Variants in ATG9B observed in about 807,000 individuals in gnomAD.
ATG9B encodes the protein autophagy-related protein 9B.
A neutral mutation model predicts 92.9 loss-of-function variants in ATG9B; 92 were observed. That is an observed-to-expected ratio of 0.99 (90% CI 0.84 to 1.18). ATG9B has a LOEUF of 1.18. Among genes scored for constraint, ATG9B ranks in the 50% most tolerant of loss-of-function variants. ATG9B has a pLI of 0.00. For missense variants in ATG9B, 1,344 were observed against 1,235.0 expected (o/e 1.09, Z -1.32); for synonymous variants, 599 against 551.4 (o/e 1.09, Z -1.21).
At chr7:151,016,299 T>G in intron 11 of ATG9B, 64 bp from the exon 12 acceptor site, 3 of 1,477,364 alleles carry the variant, frequency 2.0e-6, no homozygotes, top group Non-Finnish European at 2.7e-6. Flanking sequence ...GCACCTGGGC[T>G]AGAGGCAGAG....
In ATG9B at chr7:151,016,171, G is replaced by A. The variant is rs953262731; in HGVS notation, c.2585C>T (p.Pro862Leu). Reference sequence around the variant, plus strand: ...GGGTGGCTGTGAGGGGCTGGAGCAGGGCCTGGACAGGATGGAGGCTGCAGC... The same window carrying A: ...GGGTGGCTGTGAGGGGCTGGAGCAGAGCCTGGACAGGATGGAGGCTGCAGC... ...GEAAASILSR[P>L]CSSPSQPPSP... Residue 862 changes from proline to leucine, a missense_variant, in exon 12 of 14, where the codon CCC (proline) becomes CTC (leucine). Physicochemically the swap from Pro to Leu is moderately conservative, Grantham distance 98. Transcript: ENST00000639579. 14 of 1,536,852 alleles carry A rather than the reference G, an allele frequency of 9.1e-6. No individual in the cohort carries two copies. The African/African-American group carries it at 1.8e-4, about 20-fold the overall frequency.
chr7:151,021,098 GC>G lies in ATG9B; in HGVS notation c.963+89del, dbSNP rs1281024601. On this transcript the variant is annotated intron_variant, in intron 5 of 13. Transcript: ENST00000639579. ...GCTCTTTCTGCCCTCTTTCCAGTTG[GC>G]CCTTCCACCTGTACAGTCCCACTTC... 4.1e-6 allele frequency: 6 copies of G among 1,463,252 alleles called. No individual in the cohort carries two copies. The African/African-American group carries it at 8.4e-5, about 21-fold the overall frequency. 90.6% of individuals were successfully genotyped at this position (1,463,252 alleles called of 1,614,324 possible). A position where few individuals can be genotyped will look rare whatever the true frequency, so the allele number is the denominator to read the frequency against.
chr7:151,019,089 C>G lies in ATG9B; in HGVS notation c.1249G>C (p.Glu417Gln). 6.5e-7 allele frequency: 1 copy of G among 1,535,964 alleles called. No homozygotes were observed. The highest frequency in any genetic ancestry group is 8.7e-7 in the Non-Finnish European group (1 of 1,146,514). The change falls in exon 6 of 14, where the codon GAG becomes CAG. Residue 417 changes from glutamate (E) to glutamine (Q), a missense_variant. Coordinates refer to ENST00000639579, the MANE Select transcript of ATG9B (RefSeq NM_001317056.2). ...CTGCGCTTGTAGGCGTGCGGCAGCT[C>G]CCAGCCCCCGCGGAAGAGCGAGAAG... ...GPFSLFRGGW[E>Q]LPHAYKRSDQ...
chr7:151,013,868 G>A, downstream of ATG9B: 4 of 1,603,734 alleles, frequency 2.5e-6, no homozygotes, highest in African/African-American at 1.3e-5. Context: ...CCTGGCGACG[G>A]AGGGCGACAT....
At position 151,018,368 on chromosome 7, in the gene ATG9B, G is replaced by A; in HGVS notation, c.1798C>T (p.Leu600Phe). Residue 600 changes from leucine to phenylalanine, a missense_variant, in exon 7 of 14, where the codon CTC (leucine) becomes TTC (phenylalanine). By Grantham distance (22) the Leu-to-Phe change is conservative. Transcript: ENST00000639579. The surrounding 1 kb of genome is among the most constrained non-coding windows in gnomAD (Gnocchi z 4.7). ...CCGCCGGGGCCGGGCTCCTCCGGGA[G>A]GTAGTGCATGTGGGCCAGGGCTGTC... ...LQTALAHMHYLPEEPGPGGRD... is the reference protein window; with the variant it reads ...LQTALAHMHYFPEEPGPGGRD... 1 of 1,598,570 alleles carries A rather than the reference G, an allele frequency of 6.3e-7. No individual in the cohort carries two copies. The highest frequency in any genetic ancestry group is 8.5e-7 in the Non-Finnish European group (1 of 1,174,016).
rs749356751 is a variant in ATG9B at position 151,018,378 on chromosome 7, G to A, written c.1788C>T (p.His596=). ...PQLLLQTALA[H]MHYLPEEPGP... is the part of the protein sequence containing the mutation. ...CGGGCTCCTCCGGGAGGTAGTGCAT[G>A]TGGGCCAGGGCTGTCTGCAGCAGGA... The change falls in exon 7 of 14, where the codon CAC becomes CAT. Residue 596 remains histidine, a synonymous_variant. Coordinates refer to ENST00000639579, the MANE Select transcript of ATG9B (RefSeq NM_001317056.2). The surrounding 1 kb of genome is among the most constrained non-coding windows in gnomAD (Gnocchi z 4.7). The A allele has an allele frequency of 2.7e-5, 43 of 1,596,756 alleles. No homozygotes were observed. The Admixed American group carries it at 5.1e-4, about 19-fold the overall frequency.
At position 151,018,710 on chromosome 7, in the gene ATG9B, AGC is replaced by A. The variant is rs1449815042; in HGVS notation, c.1626_1627del (p.Leu543CysfsTer149). On this transcript the variant is annotated frameshift_variant, in exon 6 of 14. Coordinates refer to ENST00000639579, the MANE Select transcript of ATG9B (RefSeq NM_001317056.2). LOFTEE classifies it high-confidence loss of function. This position sits in a 1 kb window ranked among gnomAD's most constrained non-coding sequence, Gnocchi z 4.7. ...GTCCTCGTCGTAGACGGTGAGCACA[AGC>A]AGCGCGGCGAAGAGTGCACCCGCGA... 1 of 1,599,832 alleles carries A rather than the reference AGC, an allele frequency of 6.3e-7. No individual in the cohort carries two copies. Among genetic ancestry groups the A allele is most frequent in the Admixed American group, 1.7e-5 (1 of 58,934 alleles).
At chr7:151,012,759 A>G (rs375180814), downstream of ATG9B, 119 of 374,594 alleles carry the variant, frequency 3.2e-4, 1 homozygote, top group East Asian at 4.5e-3. Context: ...GAACTGCCCA[A>G]GGTGGATTCT....
chr7:151,014,430 C>T (rs1795397520), downstream of ATG9B: 7 of 465,854 alleles, frequency 1.5e-5, no homozygotes, highest in Non-Finnish European at 2.7e-5. Flanking sequence ...CTGCCACCCG[C>T]TTCCTGTTTC....
Position 151,015,623 on chromosome 7 carries a change from T to G in ATG9B, c.*105A>C. ...CCAGGTCCTGCCCAACTAAAGCACC[T>G]GGGCCTGTCATCTATGGGGCCTCTA... On this transcript the variant is annotated 3_prime_UTR_variant, in exon 14 of 14. Transcript: ENST00000639579. 1 of 373,718 alleles carries G rather than the reference T, an allele frequency of 2.7e-6. No individual in the cohort carries two copies. The highest frequency in any genetic ancestry group is 4.7e-6 in the Non-Finnish European group (1 of 212,282). 23.2% of individuals were successfully genotyped at this position (373,718 alleles called of 1,614,324 possible).
Position 151,018,354 on chromosome 7 carries a change from G to A in ATG9B, c.1812C>T (p.Pro604=). The change falls in exon 7 of 14, where the codon CCC becomes CCT. Residue 604 remains proline, a synonymous_variant. Transcript: ENST00000639579. This position sits in a 1 kb window ranked among gnomAD's most constrained non-coding sequence, Gnocchi z 4.7. ...AGGCGCGGTCCCTGCCGCCGGGGCC[G>A]GGCTCCTCCGGGAGGTAGTGCATGT... ...LAHMHYLPEE[P]GPGGRDRAYR... 2.5e-6 allele frequency: 4 copies of A among 1,598,434 alleles called. No homozygotes were observed. Among genetic ancestry groups the A allele is most frequent in the Non-Finnish European group, 3.4e-6 (4 of 1,174,154 alleles).
intron 4 of ATG9B, 80 bp downstream of exon 4, chr7:151,022,965 G>A (rs538522874): frequency 5.2e-4 from 820 of 1,564,264 alleles, no homozygotes; most frequent in Non-Finnish European, 6.7e-4. Context: ...TCTAGATGAC[G>A]GGACAAAGTG....
intron 4 of ATG9B, among the ~76,000 whole-genome samples, chr7:151,022,451 A>G (rs1019951466): frequency 6.8e-6 from 1 of 147,968 alleles, no homozygotes; most frequent in African/African-American, 2.5e-5. Context: ...TTAATTTTTT[A>G]TAAGGTAAAA....
chr7:151,017,832 A>C (rs2117158465), intron 8 of ATG9B, 39 bp downstream of exon 8: 1 of 1,531,192 alleles, frequency 6.5e-7, no homozygotes, highest in Non-Finnish European at 8.8e-7. Flanking sequence ...GCGAACTCCC[A>C]CCCAGCCCAA....
At chr7:151,022,958 A>G in intron 4 of ATG9B, 87 bp downstream of exon 4, 1 of 1,547,870 alleles carries the variant, frequency 6.5e-7, no homozygotes, top group Middle Eastern at 1.8e-4. Flanking sequence ...CTGCTGATCT[A>G]GATGACGGGA....
intron 4 of ATG9B, 99 bp from the exon 5 acceptor site, chr7:151,021,428 G>A: frequency 6.9e-7 from 1 of 1,442,182 alleles, no homozygotes; most frequent in Non-Finnish European, 9.2e-7. Flanking sequence ...TGAGGAGGGG[G>A]ATCTAGCTAG....
downstream of ATG9B, chr7:151,012,219 TTTTTTG>T: frequency 3.0e-6 from 2 of 673,622 alleles, no homozygotes; most frequent in Non-Finnish European, 4.5e-6. Flanking sequence ...TTGTTTTTTG[TTTTTTG>T]TTTTTTTTTT....
rs749819056 is a variant in ATG9B, at chr7:151,015,877, C to T, written c.*14+5G>A. 4.5e-6 allele frequency: 7 copies of T among 1,549,514 alleles called. No homozygotes were observed. The South Asian group carries it at 6.0e-5, about 13-fold the overall frequency. On this transcript the variant is annotated splice_donor_5th_base_variant and intron_variant, in intron 13 of 13. Coordinates refer to ENST00000639579, the MANE Select transcript of ATG9B (RefSeq NM_001317056.2). ...CTCCCTCCCCTCACAGGAGGCAATACTGACCCTGAGGAGTCGTCTCAGTCA... is the reference window on the plus strand; with the variant it reads ...CTCCCTCCCCTCACAGGAGGCAATATTGACCCTGAGGAGTCGTCTCAGTCA...
chr7:151,023,160 C>G lies in ATG9B; in HGVS notation c.706G>C (p.Val236Leu), dbSNP rs764630396. The change falls in exon 4 of 14, where the codon GTG becomes CTG. Residue 236 changes from valine (V) to leucine (L), a missense_variant. Coordinates refer to ENST00000639579, the MANE Select transcript of ATG9B (RefSeq NM_001317056.2). ...TTGGCAAAGAGAACATTGTAATCCACGCATCGAAGGAGGAAGGTTGTGAAG... is the reference window on the plus strand; with the variant it reads ...TTGGCAAAGAGAACATTGTAATCCAGGCATCGAAGGAGGAAGGTTGTGAAG... ...VTFTTFLLRC[V>L]DYNVLFANQP... 3 of 1,613,984 alleles carry G rather than the reference C, an allele frequency of 1.9e-6. No homozygotes were observed. The highest frequency in any genetic ancestry group is 2.5e-6 in the Non-Finnish European group (3 of 1,180,048).
Sources: allele counts gnomAD v4.1 joint callset (sites outside exome capture counted in the v4.1 genomes callset), GRCh38; gene constraint gnomAD v4.1.1; non-coding constraint Gnocchi (gnomAD v3.1); transcripts MANE v1.5; gene names NCBI Gene and HGNC (gene_info 2026-07-23, HGNC 2026-07-21).